Variants in ATP8A2 observed in about 807,000 individuals in gnomAD.
ATP8A2 encodes ATPase phospholipid transporting 8A2.
In ATP8A2, 100 loss-of-function variants were observed where a neutral mutation model predicts 165.6. That is an observed-to-expected ratio of 0.60 (90% CI 0.51 to 0.71). The LOEUF (loss-of-function observed/expected upper bound fraction) is 0.71. ATP8A2 is among the 30% of genes least tolerant of loss of function. The pLI, the probability that ATP8A2 is intolerant of heterozygous loss-of-function variation, is 0.00. For synonymous variants in ATP8A2, 543 were observed against 548.8 expected, an observed-to-expected ratio of 0.99 and a Z score of 0.15; for missense variants, 1,227 against 1,479.5, an observed-to-expected ratio of 0.83 and a Z score of 2.80.
Position 26,021,947 on chromosome 13 carries a change from T to C in ATP8A2, c.*1962T>C, listed in dbSNP as rs984675701. The C allele has an allele frequency of 1.3e-5, 2 of 152,140 alleles. No individual in the cohort carries two copies. Among genetic ancestry groups the C allele is most frequent in the Non-Finnish European group, 2.9e-5 (2 of 68,030 alleles). The allele number at this position is 152,140 out of a possible 1,614,324, so 9.4% of individuals were successfully genotyped here. On this transcript the variant is annotated 3_prime_UTR_variant, in exon 37 of 37. Transcript: ENST00000381655. ...GATTTAAAATATGATCTGCATTGAC[T>C]AAGAAAACTCATCCTCACTTATGAG... is the stretch of plus-strand genomic sequence containing the variant.
At chr13:25,536,374 C>T (rs377564409) in intron 6 of ATP8A2, among the ~76,000 whole-genome samples, 4 of 152,054 alleles carry the variant, frequency 2.6e-5, no homozygotes, top group African/African-American at 9.7e-5. Context: ...CTTCGGCCTC[C>T]CAAAGTGTTG....
intron 30 of ATP8A2, among the ~76,000 whole-genome samples, chr13:25,858,598 T>C (rs891720221): frequency 2.6e-5 from 4 of 152,214 alleles, no homozygotes; most frequent in Admixed American, 1.3e-4. Flanking sequence ...TCCATCATTA[T>C]GCTGTTTTAG....
At chr13:25,640,003 A>G (rs376301227) in intron 24 of ATP8A2, among the ~76,000 whole-genome samples, 19 of 152,354 alleles carry the variant, frequency 1.2e-4, no homozygotes, top group Non-Finnish European at 1.6e-4. Flanking sequence ...CTGAATGACT[A>G]CTGGGTACAT....
At chr13:25,800,400 A>T (rs1160407650) in intron 27 of ATP8A2, among the ~76,000 whole-genome samples, 2 of 152,212 alleles carry the variant, frequency 1.3e-5, no homozygotes, top group African/African-American at 2.4e-5. Context: ...CAGTCCTGAA[A>T]AGTCAACCAA....
rs140869234 is a variant in ATP8A2, at chr13:25,884,838, G to A, written c.3183+22430G>A. ...TCAGGCACTTGCCCTCCTCCCACGA[G>A]CCATCCCAGATCCCTGGGGCCCTTC... On this transcript the variant is annotated intron_variant, in intron 33 of 36. Transcript: ENST00000381655. Among the ~76,000 whole-genome samples the A allele has an allele frequency of 1.6e-3, 241 of 152,274 alleles. 2 individuals are homozygous for A. Among genetic ancestry groups the A allele is most frequent in the African/African-American group, 5.2e-3 (217 of 41,564 alleles).
chr13:25,535,704 A>G (rs977459223), intron 6 of ATP8A2, among the ~76,000 whole-genome samples: 1 of 152,016 alleles, frequency 6.6e-6, no homozygotes, highest in Non-Finnish European at 1.5e-5. Context: ...AATCCCAGCT[A>G]CTCAGGAGGA....
At chr13:25,964,593 T>G (rs747801795) in intron 34 of ATP8A2, among the ~76,000 whole-genome samples, 3 of 152,194 alleles carry the variant, frequency 2.0e-5, no homozygotes, top group Non-Finnish European at 4.4e-5. Context: ...AACAAAAATA[T>G]TAATCCTGCT....
At chr13:25,581,984 G>C in intron 23 of ATP8A2, 27 bp downstream of exon 23, 1 of 1,585,944 alleles carries the variant, frequency 6.3e-7, no homozygotes, top group African/African-American at 1.4e-5. Flanking sequence ...ATAATTTCCT[G>C]ATGCTGGGTT....
At chr13:25,714,720 A>G (rs1363188156) in intron 25 of ATP8A2, among the ~76,000 whole-genome samples, 1 of 152,212 alleles carries the variant, frequency 6.6e-6, no homozygotes, top group Non-Finnish European at 1.5e-5. Flanking sequence ...TTATGCTGAG[A>G]ACAGTGGTGA....
At chr13:25,741,706 G>A (rs573458737) in intron 25 of ATP8A2, among the ~76,000 whole-genome samples, 1 of 152,250 alleles carries the variant, frequency 6.6e-6, no homozygotes, top group South Asian at 2.1e-4. Flanking sequence ...GAAAACTTAG[G>A]AAAGTTGAAT....
chr13:25,882,535 C>T (rs189366316), intron 33 of ATP8A2, among the ~76,000 whole-genome samples: 1 of 152,282 alleles, frequency 6.6e-6, no homozygotes, highest in Admixed American at 6.5e-5. Context: ...TTAAGAACAA[C>T]TCCATTGTAC....
chr13:25,479,580 T>A (rs1354551378), intron 2 of ATP8A2, among the ~76,000 whole-genome samples: 1 of 151,914 alleles, frequency 6.6e-6, no homozygotes, highest in African/African-American at 2.4e-5. Context: ...GGAGGGAAGG[T>A]CAGCAGATAA....
chr13:25,944,299 G>T (rs1187647898), intron 33 of ATP8A2, among the ~76,000 whole-genome samples: 2 of 152,202 alleles, frequency 1.3e-5, no homozygotes, highest in Non-Finnish European at 2.9e-5. Flanking sequence ...CTGAGGTCAG[G>T]AGTTTGAGAC....
At chr13:25,435,905 A>G (rs915448863) in intron 1 of ATP8A2, among the ~76,000 whole-genome samples, 1 of 126,422 alleles carries the variant, frequency 7.9e-6, no homozygotes, top group Non-Finnish European at 1.8e-5. Flanking sequence ...CAGTTAAGAA[A>G]AAGCATCGTG....
At chr13:25,886,584 C>T (rs1356454387) in intron 33 of ATP8A2, among the ~76,000 whole-genome samples, 9 of 152,188 alleles carry the variant, frequency 5.9e-5, no homozygotes, top group South Asian at 2.1e-4. Flanking sequence ...GCTCCATGTG[C>T]GCTGGATGCC....
chr13:25,737,882 C>T (rs970941508), intron 25 of ATP8A2, among the ~76,000 whole-genome samples: 4 of 152,168 alleles, frequency 2.6e-5, no homozygotes, highest in African/African-American at 9.7e-5. Flanking sequence ...GACGGGGTTT[C>T]ACCGTGTTAG....
chr13:25,942,770 A>G (rs1392269578), intron 33 of ATP8A2, among the ~76,000 whole-genome samples: 1 of 152,166 alleles, frequency 6.6e-6, no homozygotes, highest in African/African-American at 2.4e-5. Context: ...TATGTTCTCT[A>G]AAAACTAATC....
chr13:25,675,833 G>GA (rs145081864), intron 24 of ATP8A2, among the ~76,000 whole-genome samples: 5,362 of 152,120 alleles, frequency 0.035, 156 homozygotes, highest in East Asian at 0.13. Context: ...CTTTGCATGT[G>GA]AAAAAATGAC....
chr13:25,595,907 G>A (rs1378022768), intron 24 of ATP8A2, among the ~76,000 whole-genome samples: 1 of 151,794 alleles, frequency 6.6e-6, no homozygotes, highest in Admixed American at 6.6e-5. Context: ...CAATACATGT[G>A]TCCTCATTCA....
Sources: allele counts gnomAD v4.1 joint callset (sites outside exome capture counted in the v4.1 genomes callset), GRCh38; gene constraint gnomAD v4.1.1; transcripts MANE v1.5; gene names NCBI Gene and HGNC (gene_info 2026-07-23, HGNC 2026-07-21).